Variants in ZFP2 observed in about 807,000 individuals in gnomAD.
ZFP2 encodes ZFP2 zinc finger protein, also known as zinc finger protein ZFP2.
ZFP2 carries 33 observed loss-of-function variants against 36.1 expected under a neutral mutation model. That is an observed-to-expected ratio of 0.92 (90% CI 0.69 to 1.22). ZFP2 has a LOEUF of 1.22. ZFP2 is among the 50% of genes most tolerant of loss of function. The pLI, the probability that ZFP2 is intolerant of heterozygous loss-of-function variation, is 0.00. For synonymous variants in ZFP2, 170 were observed against 178.0 expected (o/e 0.96, Z 0.36); for missense variants, 522 against 551.4 (o/e 0.95, Z 0.53).
At chr5:178,922,981 A>T (rs1404392078) in intron 4 of ZFP2, among the ~76,000 whole-genome samples, 1 of 149,678 alleles carries the variant, frequency 6.7e-6, no homozygotes, top group Non-Finnish European at 1.5e-5. Context: ...ATAAAATATT[A>T]TCTCATTCCA....
At chr5:178,925,107 T>TTATATATATATATA (rs766110848) in intron 4 of ZFP2, among the ~76,000 whole-genome samples, 78 of 110,136 alleles carry the variant, frequency 7.1e-4, no homozygotes, top group South Asian at 1.4e-3. Flanking sequence ...AATTGAATCT[T>TTATATATATATATA]TATATATATA....
At chr5:178,910,532 C>G (rs1845939) in intron 1 of ZFP2, 118,587 of 555,190 alleles carry the variant, frequency 0.21, 13,983 homozygotes, top group Non-Finnish European at 0.24. Context: ...TGACTTCTTG[C>G]TGGGGTCATG....
At chr5:178,904,040 A>C (rs1758116852) in intron 1 of ZFP2, among the ~76,000 whole-genome samples, 1 of 152,134 alleles carries the variant, frequency 6.6e-6, no homozygotes, top group Admixed American at 6.6e-5. Flanking sequence ...CCCCAAGATA[A>C]TATAAATCTT....
chr5:178,914,698 G>A (rs1481170157), intron 3 of ZFP2, among the ~76,000 whole-genome samples: 1 of 152,130 alleles, frequency 6.6e-6, no homozygotes, highest in Non-Finnish European at 1.5e-5. Context: ...AGGAAGGGAG[G>A]AAATGAATAT....
intron 1 of ZFP2, among the ~76,000 whole-genome samples, chr5:178,906,868 C>CTT (rs111783475): frequency 1.6e-4 from 23 of 146,178 alleles, no homozygotes; most frequent in Non-Finnish European, 3.3e-4. Flanking sequence ...GAGTTTTTGT[C>CTT]TTTTTTTTTT....
At chr5:178,904,694 T>C (rs1758130779) in intron 1 of ZFP2, among the ~76,000 whole-genome samples, 1 of 148,012 alleles carries the variant, frequency 6.8e-6, no homozygotes, top group Non-Finnish European at 1.5e-5. Context: ...GAATTCATTT[T>C]GCTTTTTTTT....
At chr5:178,909,497 G>C (rs1180313042) in intron 1 of ZFP2, among the ~76,000 whole-genome samples, 1 of 152,170 alleles carries the variant, frequency 6.6e-6, no homozygotes, top group Non-Finnish European at 1.5e-5. Context: ...TTGGCCCCCT[G>C]GTCCCACTTT....
At chr5:178,922,247 G>A in intron 4 of ZFP2, 1 of 1,042,512 alleles carries the variant, frequency 9.6e-7, no homozygotes, top group Non-Finnish European at 1.5e-6. Flanking sequence ...ATATTTAGTA[G>A]TGAAACCAAA....
chr5:178,907,337 T>C (rs991762477), intron 1 of ZFP2, among the ~76,000 whole-genome samples: 8 of 151,332 alleles, frequency 5.3e-5, no homozygotes, highest in African/African-American at 1.9e-4. Flanking sequence ...ATATATTTTA[T>C]ATAGTTAAAA....
intron 1 of ZFP2, among the ~76,000 whole-genome samples, chr5:178,901,044 A>G (rs1490727117): frequency 6.6e-6 from 1 of 152,246 alleles, no homozygotes; most frequent in African/African-American, 2.4e-5. Flanking sequence ...TACACAGTTG[A>G]ATATACCACC....
At chr5:178,898,448 G>A (rs1366115730) in intron 1 of ZFP2, among the ~76,000 whole-genome samples, 1 of 152,216 alleles carries the variant, frequency 6.6e-6, no homozygotes, top group Non-Finnish European at 1.5e-5. Flanking sequence ...GCATAATGAA[G>A]TGAACTTAAT....
At chr5:178,929,942 T>TGGC (rs1277868749) in intron 4 of ZFP2, among the ~76,000 whole-genome samples, 1 of 131,900 alleles carries the variant, frequency 7.6e-6, no homozygotes, top group Non-Finnish European at 1.7e-5. Context: ...TGCTTGACGG[T>TGGC]GGGGGGGGGG....
intron 1 of ZFP2, among the ~76,000 whole-genome samples, chr5:178,904,512 G>C (rs1006191654): frequency 1.3e-5 from 2 of 151,408 alleles, no homozygotes; most frequent in Admixed American, 6.6e-5. Context: ...TTTAAAATAT[G>C]CCAAATTGTC....
chr5:178,914,643 T>C (rs1375300012), intron 3 of ZFP2, among the ~76,000 whole-genome samples: 14 of 144,594 alleles, frequency 9.7e-5, no homozygotes. Context: ...GGGGAGACAA[T>C]AAAGGAAGAA....
chr5:178,898,850 G>T (rs1007658661), intron 1 of ZFP2, among the ~76,000 whole-genome samples: 1 of 152,206 alleles, frequency 6.6e-6, no homozygotes, highest in African/African-American at 2.4e-5. Context: ...ACCCTGGCCT[G>T]CTGTGTTCTT....
In ZFP2 at chr5:178,932,644, G is replaced by A; in HGVS notation, c.1331G>A (p.Gly444Glu). 1.2e-6 allele frequency: 2 copies of A among 1,613,170 alleles called. No homozygotes were observed. Among genetic ancestry groups the A allele is most frequent in the Non-Finnish European group, 1.7e-6 (2 of 1,179,680 alleles). ...AAACCCTATCAGTGTAATGAATGCG[G>A]AAAAGCCTTCAGCCGGAGTACAAAC... ...GEKPYQCNEC[G>E]KAFSRSTNLT... The change falls in exon 5 of 5, where the codon GGA becomes GAA. Residue 444 changes from glycine to glutamate, a missense_variant. By Grantham distance (98) the Gly-to-Glu change is moderately conservative. Transcript: ENST00000361362.
intron 1 of ZFP2, among the ~76,000 whole-genome samples, chr5:178,903,983 C>G (rs998160214): frequency 6.6e-6 from 1 of 151,654 alleles, no homozygotes; most frequent in Non-Finnish European, 1.5e-5. Context: ...GAGTGAGACT[C>G]CATCTCCAAA....
intron 1 of ZFP2, among the ~76,000 whole-genome samples, chr5:178,908,338 T>A (rs1406273505): frequency 6.6e-6 from 1 of 151,364 alleles, no homozygotes; most frequent in African/African-American, 2.4e-5. Flanking sequence ...TCCCAGCTAC[T>A]CAGGAGGCCG....
intron 3 of ZFP2, among the ~76,000 whole-genome samples, chr5:178,915,991 A>G (rs1758423035): frequency 6.6e-6 from 1 of 152,234 alleles, no homozygotes; most frequent in South Asian, 2.1e-4. Flanking sequence ...GAATTTATGA[A>G]ATTCATATCA....
Sources: allele counts gnomAD v4.1 joint callset (sites outside exome capture counted in the v4.1 genomes callset), GRCh38; gene constraint gnomAD v4.1.1; transcripts MANE v1.5; gene names NCBI Gene and HGNC (gene_info 2026-07-23, HGNC 2026-07-21).